The following MAGI1 variants were observed in gnomAD, a reference collection of about 807,000 sequenced individuals.
MAGI1 encodes the protein membrane-associated guanylate kinase, WW and PDZ domain-containing protein 1.
MAGI1 carries 58 observed loss-of-function variants against 139.9 expected under a neutral mutation model. The observed-to-expected ratio is 0.41, with a 90% confidence interval of 0.34 to 0.52. The LOEUF is 0.52. Among genes scored for constraint, MAGI1 ranks in the 20% least tolerant of loss-of-function variants. MAGI1 has a pLI of 0.12. For missense variants in MAGI1, 1,874 were observed against 1,901.6 expected, an observed-to-expected ratio of 0.99 and a Z score of 0.27; for synonymous variants, 812 against 737.9, an observed-to-expected ratio of 1.10 and a Z score of -1.63.
At chr3:65,738,062 A>C (rs1334699487) in intron 1 of MAGI1, among the ~76,000 whole-genome samples, 1 of 152,100 alleles carries the variant, frequency 6.6e-6, no homozygotes, top group East Asian at 1.9e-4. Context: ...GCCACATCTC[A>C]CTGCAGGAGC....
chr3:65,386,748 T>G (rs1943474650), intron 14 of MAGI1, among the ~76,000 whole-genome samples: 1 of 152,210 alleles, frequency 6.6e-6, no homozygotes, highest in African/African-American at 2.4e-5. Context: ...TAAGAAAACC[T>G]TGTCCAATTT....
At chr3:65,441,311 T>C in intron 8 of MAGI1, among the ~76,000 whole-genome samples, 1 of 152,162 alleles carries the variant, frequency 6.6e-6, no homozygotes, top group Non-Finnish European at 1.5e-5. Flanking sequence ...AGGAGCATAG[T>C]ATTGTGATTA....
At chr3:65,785,930 T>C (rs1464572662) in intron 1 of MAGI1, among the ~76,000 whole-genome samples, 1 of 151,664 alleles carries the variant, frequency 6.6e-6, no homozygotes, top group African/African-American at 2.4e-5. Flanking sequence ...CCTGCTGTCA[T>C]CTTAACTTTT....
chr3:65,801,624 A>C (rs2040519875), intron 1 of MAGI1, among the ~76,000 whole-genome samples: 1 of 152,154 alleles, frequency 6.6e-6, no homozygotes, highest in Non-Finnish European at 1.5e-5. Context: ...TCCTCGACCA[A>C]TCACTTCTCC....
intron 1 of MAGI1, among the ~76,000 whole-genome samples, chr3:65,689,214 C>G (rs1031805899): frequency 6.6e-6 from 1 of 152,168 alleles, no homozygotes; most frequent in African/African-American, 2.4e-5. Flanking sequence ...TAAAGCATTC[C>G]ACCTTACTGC....
At chr3:65,734,854 G>C (rs1036885104) in intron 1 of MAGI1, among the ~76,000 whole-genome samples, 1 of 150,518 alleles carries the variant, frequency 6.6e-6, no homozygotes, top group African/African-American at 2.4e-5. Context: ...AGGAAATGGT[G>C]GGGGGAGGGG....
chr3:65,980,371 T>G (rs965928707), intron 1 of MAGI1, among the ~76,000 whole-genome samples: 1 of 152,156 alleles, frequency 6.6e-6, no homozygotes, highest in African/African-American at 2.4e-5. Flanking sequence ...AAGACCAGCC[T>G]GGCCAACATG....
chr3:66,000,007 C>T (rs1387410016), intron 1 of MAGI1, among the ~76,000 whole-genome samples: 2 of 144,042 alleles, frequency 1.4e-5, no homozygotes, highest in African/African-American at 2.6e-5. Flanking sequence ...GAGTCTCGCT[C>T]TGTCCCCCAG....
intron 2 of MAGI1, among the ~76,000 whole-genome samples, chr3:65,568,336 G>A (rs1056074749): frequency 1.3e-5 from 2 of 151,890 alleles, no homozygotes; most frequent in African/African-American, 4.8e-5. Context: ...GTTGTGCACA[G>A]GAGCTAGAAA....
chr3:65,699,123 A>G (rs1476504829), intron 1 of MAGI1, among the ~76,000 whole-genome samples: 2 of 110,724 alleles, frequency 1.8e-5, no homozygotes. Context: ...AACACATGAA[A>G]AAATGCTCAT....
Position 65,670,643 on chromosome 3 carries a change from T to C in MAGI1, c.314-48555A>G, listed in dbSNP as rs928188484. 2.6e-5 allele frequency among the ~76,000 whole-genome samples: 4 copies of C among 152,170 alleles called. No individual in the cohort carries two copies. The East Asian group carries it at 7.7e-4, about 29-fold the overall frequency. ...TTTTTTGCAAAGCTAATGAACCACA[T>C]AGTTGGTACGTGTTTCTTTCTCTGG... is the stretch of plus-strand genomic sequence containing the variant. On this transcript the variant is annotated intron_variant, in intron 1 of 22. Transcript: ENST00000402939.
At chr3:65,444,679 T>C (rs1948562255) in intron 7 of MAGI1, among the ~76,000 whole-genome samples, 1 of 151,982 alleles carries the variant, frequency 6.6e-6, no homozygotes, top group Admixed American at 6.6e-5. Flanking sequence ...AGCCACGTGG[T>C]ATGTGCTTTG....
chr3:65,661,685 TG>T (rs1322129558), intron 1 of MAGI1, among the ~76,000 whole-genome samples: 2 of 152,102 alleles, frequency 1.3e-5, no homozygotes, highest in Non-Finnish European at 2.9e-5. Flanking sequence ...TAGTGTTACC[TG>T]TTTTTAGTAT....
At chr3:65,819,432 T>C (rs1007865763) in intron 1 of MAGI1, among the ~76,000 whole-genome samples, 8 of 152,146 alleles carry the variant, frequency 5.3e-5, no homozygotes, top group Non-Finnish European at 5.9e-5. Flanking sequence ...CACCCTCACA[T>C]TGGTCATCCT....
chr3:65,679,278 C>T (rs755010661), intron 1 of MAGI1, among the ~76,000 whole-genome samples: 154 of 152,292 alleles, frequency 1.0e-3, no homozygotes, highest in South Asian at 2.1e-3. Context: ...CAGCACTCAG[C>T]GACTACTTCA....
intron 14 of MAGI1, among the ~76,000 whole-genome samples, chr3:65,389,514 T>C (rs1490356195): frequency 1.3e-5 from 2 of 152,174 alleles, no homozygotes; most frequent in Non-Finnish European, 2.9e-5. Context: ...AGTTGGGCCA[T>C]TGACTGGACG....
At position 65,921,397 on chromosome 3, in the gene MAGI1, G is replaced by A. The variant is rs1162224494; in HGVS notation, c.313+116599C>T. Among the ~76,000 whole-genome samples, 3 of 150,692 alleles carry A rather than the reference G, an allele frequency of 2.0e-5. 1 individual carries two copies. The East Asian group carries it at 5.9e-4, about 30-fold the overall frequency. ...AATCTCAGCTTACTGCAATCTCTGT[G>A]TCCCGGGTTCAAGTAATTCTCCCAT... On this transcript the variant is annotated intron_variant, in intron 1 of 22. Transcript: ENST00000402939.
At chr3:65,715,871 T>C (rs556240543) in intron 1 of MAGI1, among the ~76,000 whole-genome samples, 1 of 152,330 alleles carries the variant, frequency 6.6e-6, no homozygotes, top group African/African-American at 2.4e-5. Flanking sequence ...CGTTTTGGAT[T>C]TGTAAATTTG....
chr3:65,359,028 A>G, intron 22 of MAGI1: 1 of 1,576,536 alleles, frequency 6.3e-7, no homozygotes, highest in Non-Finnish European at 8.7e-7. Flanking sequence ...ATTAGGCCAC[A>G]GCACAGAAAC....
Sources: gnomAD v4.1 joint callset for allele counts (sites outside exome capture counted in the v4.1 genomes callset) on GRCh38, gnomAD v4.1.1 for gene constraint, MANE v1.5 for transcripts, NCBI Gene and HGNC (gene_info 2026-07-23, HGNC 2026-07-21) for gene names.